KATNBL1: variants seen among roughly 807,000 people sequenced by gnomAD.
The protein encoded by KATNBL1 is KATNB1-like protein 1.
A neutral mutation model predicts 44.7 loss-of-function variants in KATNBL1; 28 were observed. The observed-to-expected ratio is 0.63, with a 90% CI of 0.46 to 0.86. The LOEUF (loss-of-function observed/expected upper bound fraction) is 0.86. Among genes scored for constraint, KATNBL1 ranks in the 40% least tolerant of loss-of-function variants. KATNBL1 has a pLI of 0.00. For missense variants in KATNBL1, 272 were observed against 350.7 expected (o/e 0.78, Z 1.79); for synonymous variants, 78 against 114.9 (o/e 0.68, Z 2.06).
intron 1 of KATNBL1, among the ~76,000 whole-genome samples, chr15:34,186,445 G>A (rs1410731998): frequency 1.3e-5 from 2 of 152,232 alleles, no homozygotes; most frequent in Non-Finnish European, 2.9e-5. Flanking sequence ...GGGGAGCCAG[G>A]AACAGGCAGG....
In KATNBL1 at chr15:34,154,653, TA is replaced by T; in HGVS notation, c.148del (p.Tyr50ThrfsTer2). The T allele has an allele frequency of 1.3e-6, 2 of 1,583,008 alleles. No individual in the cohort carries two copies. Among genetic ancestry groups the T allele is most frequent in the Non-Finnish European group, 1.7e-6 (2 of 1,151,762 alleles). ...VKKSPKQLAA[Y>X]INRTVGQTVK... ...TTAAAGAAACTCTTACCTATTTATG[TA>T]AGCAGCCAACTGTTTTGGAGATTTC... On this transcript the variant is annotated frameshift_variant, in exon 3 of 10. Transcript: ENST00000256544. LOFTEE classifies it high-confidence loss of function.
At chr15:34,156,723 A>G (rs1017403975) in intron 2 of KATNBL1, among the ~76,000 whole-genome samples, 3 of 152,204 alleles carry the variant, frequency 2.0e-5, no homozygotes, top group African/African-American at 7.2e-5. Context: ...CTCAGCCCCC[A>G]TATTATAAAA....
chr15:34,141,098 C>T lies in KATNBL1; in HGVS notation c.*1241G>A, dbSNP rs189490422. 2 of 152,336 alleles carry T rather than the reference C, an allele frequency of 1.3e-5. No individual in the cohort carries two copies. The highest frequency in any genetic ancestry group is 1.3e-4 in the Admixed American group (2 of 15,300). The allele number at this position is 152,336 out of a possible 1,614,324, so 9.4% of individuals were successfully genotyped here. A position where few individuals can be genotyped will look rare whatever the true frequency, so the allele number is the denominator to read the frequency against. On this transcript the variant is annotated 3_prime_UTR_variant, in exon 10 of 10. Coordinates refer to ENST00000256544, the MANE Select transcript of KATNBL1 (RefSeq NM_024713.3). ...ATTAAGGATGGGATGATGTGTGAAC[C>T]ACCAGCAGTGGTATTAAACCCCAAT...
intron 2 of KATNBL1, 21 bp from the exon 3 acceptor site, chr15:34,154,705 G>A (rs1031452664): frequency 9.2e-6 from 14 of 1,516,510 alleles, no homozygotes; most frequent in Non-Finnish European, 1.1e-5. Flanking sequence ...AAAGTAGATA[G>A]TTGATGTTAG....
At chr15:34,171,077 A>T (rs528090174) in intron 1 of KATNBL1, among the ~76,000 whole-genome samples, 7 of 152,224 alleles carry the variant, frequency 4.6e-5, no homozygotes, top group African/African-American at 1.4e-4. Flanking sequence ...AAGCCAAAAT[A>T]GACAAATGGG....
chr15:34,208,512 A>AT lies in KATNBL1; in HGVS notation c.-15+1438dup, dbSNP rs1890351627. On this transcript the variant is annotated intron_variant, in intron 1 of 9. Coordinates refer to ENST00000256544, the MANE Select transcript of KATNBL1 (RefSeq NM_024713.3). Reference sequence around the variant, plus strand: ...ATTTCAAGTACAGAATAACCACTCAATAAGTTTTAGGGATGAAAACATTTA... The same window carrying AT: ...ATTTCAAGTACAGAATAACCACTCAATTAAGTTTTAGGGATGAAAACATTTA... 3.3e-5 allele frequency: 5 copies of AT among 152,390 alleles called. No homozygotes were observed. The South Asian group carries it at 1.0e-3, about 32-fold the overall frequency. 9.4% of individuals were successfully genotyped at this position (152,390 alleles called of 1,614,324 possible).
In KATNBL1 at chr15:34,148,627, C is replaced by T. The variant is rs1442312426; in HGVS notation, c.557+5G>A. ...TGAACAAAGAGGATAAAAGGTCACA[C>T]TTACCTCAACAAATAAGCTACAAGT... On this transcript the variant is annotated splice_donor_5th_base_variant and intron_variant, in intron 5 of 9. Transcript: ENST00000256544. The T allele has an allele frequency of 2.0e-6, 3 of 1,472,236 alleles. No individual in the cohort carries two copies. The highest frequency in any genetic ancestry group is 1.7e-5 in the Admixed American group (1 of 59,642). 91.2% of individuals were successfully genotyped at this position (1,472,236 alleles called of 1,614,324 possible).
chr15:34,178,269 G>GA (rs766901136), intron 1 of KATNBL1, among the ~76,000 whole-genome samples: 12 of 152,114 alleles, frequency 7.9e-5, no homozygotes, highest in African/African-American at 1.2e-4. Flanking sequence ...TTTTTCTGAG[G>GA]AGATAACAAC....
intron 1 of KATNBL1, among the ~76,000 whole-genome samples, chr15:34,181,510 A>T (rs1483669353): frequency 2.0e-5 from 3 of 149,996 alleles, no homozygotes; most frequent in African/African-American, 7.3e-5. Context: ...TTAATTTTTT[A>T]AATTAGAAGG....
At chr15:34,189,838 G>A (rs1380220482) in intron 1 of KATNBL1, among the ~76,000 whole-genome samples, 5 of 152,056 alleles carry the variant, frequency 3.3e-5, no homozygotes, top group South Asian at 4.1e-4. Flanking sequence ...TTTCAGTACT[G>A]CTATTTTAGG....
At chr15:34,177,570 C>T (rs201701010) in intron 1 of KATNBL1, among the ~76,000 whole-genome samples, 2 of 136,962 alleles carry the variant, frequency 1.5e-5, no homozygotes, top group South Asian at 2.3e-4. Context: ...CTTGAGCCCG[C>T]GAGGCAGAGG....
chr15:34,207,156 C>T (rs771119178), intron 1 of KATNBL1, among the ~76,000 whole-genome samples: 2 of 151,944 alleles, frequency 1.3e-5, no homozygotes, highest in Non-Finnish European at 2.9e-5. Context: ...CCTCTCACCT[C>T]AGCCTCCCAA....
At chr15:34,147,000 T>C (rs548384372) in intron 7 of KATNBL1, 150 bp from the exon 8 acceptor site, 2 of 646,344 alleles carry the variant, frequency 3.1e-6, no homozygotes, top group Admixed American at 5.8e-5. Flanking sequence ...TACACAAAAG[T>C]ATATTTCATG....
chr15:34,143,429 C>T (rs545074397), intron 9 of KATNBL1, among the ~76,000 whole-genome samples: 267 of 152,182 alleles, frequency 1.8e-3, no homozygotes, highest in Non-Finnish European at 2.7e-3. Flanking sequence ...TGTGCCACTG[C>T]ACTCCAGCCT....
chr15:34,163,581 G>T lies in KATNBL1; in HGVS notation c.96C>A (p.Phe32Leu), dbSNP rs1433421258. Residue 32 changes from phenylalanine to leucine, a missense_variant, in exon 2 of 10, where the codon TTC (phenylalanine) becomes TTA (leucine). Phe to Leu is a conservative substitution (Grantham distance 22, BLOSUM62 0). Transcript: ENST00000256544. ...IDLPRKKISN[F>L]TNKNMKEVKK... The stretch of plus-strand genomic sequence containing the variant: ...TTACCTCCTTCATGTTCTTATTAGT[G>T]AAATTAGAGATCTTTTTTCTAGGAA... 3 of 1,594,124 alleles carry T rather than the reference G, an allele frequency of 1.9e-6. No individual in the cohort carries two copies. Among genetic ancestry groups the T allele is most frequent in the Middle Eastern group, 2.1e-4 (1 of 4,756 alleles).
chr15:34,175,113 AACACACACACACACACAC>A (rs71119940), intron 1 of KATNBL1, among the ~76,000 whole-genome samples: 15 of 143,660 alleles, frequency 1.0e-4, no homozygotes, highest in African/African-American at 2.1e-4. Context: ...TAAAATAAGC[AACACACACACACACACAC>A]ACACACACAC....
In KATNBL1 at chr15:34,192,360, C is replaced by T. The variant is rs151334173; in HGVS notation, c.-15+17591G>A. 5.3e-3 allele frequency among the ~76,000 whole-genome samples: 801 copies of T among 150,416 alleles called. 6 individuals carry two copies. Among genetic ancestry groups the T allele is most frequent in the African/African-American group, 0.019 (769 of 40,918 alleles). On this transcript the variant is annotated intron_variant, in intron 1 of 9. Coordinates refer to ENST00000256544, the MANE Select transcript of KATNBL1 (RefSeq NM_024713.3). ...CAGAGGTTGCAGTGAGCAGAGATGG[C>T]GCCACTGCACTCAAGCCTGGGCGAC... is the stretch of plus-strand genomic sequence containing the variant.
chr15:34,174,657 A>G (rs1273628418), intron 1 of KATNBL1, among the ~76,000 whole-genome samples: 1 of 152,096 alleles, frequency 6.6e-6, no homozygotes, highest in Non-Finnish European at 1.5e-5. Context: ...AGTATCATGC[A>G]AATACTAACT....
At chr15:34,156,616 T>C (rs1888645971) in intron 2 of KATNBL1, among the ~76,000 whole-genome samples, 1 of 152,166 alleles carries the variant, frequency 6.6e-6, no homozygotes, top group African/African-American at 2.4e-5. Flanking sequence ...ACAGTTTTGT[T>C]GTGGGAGGTT....
Sources: allele counts gnomAD v4.1 joint callset (sites outside exome capture counted in the v4.1 genomes callset), GRCh38; gene constraint gnomAD v4.1.1; transcripts MANE v1.5; gene names NCBI Gene and HGNC (gene_info 2026-07-23, HGNC 2026-07-21).